CNTNAP3: variants seen among roughly 807,000 people sequenced by gnomAD.
The protein encoded by CNTNAP3 is contactin associated protein family member 3.
CNTNAP3 carries 36 observed loss-of-function variants against 92.1 expected under a neutral mutation model. The observed-to-expected ratio is 0.39, with a 90% confidence interval of 0.30 to 0.52. CNTNAP3 has a LOEUF of 0.52. Ranked by LOEUF, CNTNAP3 falls within the 20% of genes least tolerant of loss-of-function variation. The probability of loss-of-function intolerance (pLI) is 0.76; values close to 1 mark genes in which losing one functional copy is unlikely to be tolerated. For missense variants in CNTNAP3, 534 were observed against 1,069.6 expected (o/e 0.50, Z 6.98); for synonymous variants, 232 against 422.3 (o/e 0.55, Z 5.53).
At chr9:39,132,133 G>A (rs1587724039) in intron 13 of CNTNAP3, among the ~76,000 whole-genome samples, 1 of 151,928 alleles carries the variant, frequency 6.6e-6, no homozygotes, top group Non-Finnish European at 1.5e-5. Context: ...TGATCCTCCC[G>A]CCTATATACT....
chr9:39,127,579 T>C (rs939158832), intron 13 of CNTNAP3, among the ~76,000 whole-genome samples: 1 of 152,092 alleles, frequency 6.6e-6, no homozygotes, highest in Non-Finnish European at 1.5e-5. Context: ...GAAATTTAAG[T>C]GGATATCACT....
intron 23 of CNTNAP3, among the ~76,000 whole-genome samples, chr9:39,077,559 AAAACAAACAAACAAACAAAC>A (rs200606454): frequency 6.8e-6 from 1 of 147,502 alleles, no homozygotes; most frequent in Non-Finnish European, 1.5e-5. Flanking sequence ...TCTGTCTCAA[AAAACAAACAAACAAACAAAC>A]AAACAAACAA....
rs1825546238 is a variant in CNTNAP3 at position 39,067,966 on chromosome 9, TGA to T, written c.*5922_*5923del. 2.6e-5 allele frequency among the ~76,000 whole-genome samples: 4 copies of T among 152,418 alleles called. No homozygotes were observed. In the South Asian group the frequency reaches 8.3e-4, roughly 32 times the overall value. On this transcript the variant is annotated 3_prime_UTR_variant, in exon 24 of 24. Coordinates refer to ENST00000297668, the MANE Select transcript of CNTNAP3 (RefSeq NM_033655.5). Reference sequence around the variant, plus strand: ...GTTGTATGTGAACATGCACTCTCAGTGAGAGTAATATTGTCCCCAAAACGACA... The same window carrying T: ...GTTGTATGTGAACATGCACTCTCAGTGAGTAATATTGTCCCCAAAACGACA...
At chr9:39,137,394 G>C (rs1047717500) in intron 12 of CNTNAP3, among the ~76,000 whole-genome samples, 2 of 151,922 alleles carry the variant, frequency 1.3e-5, no homozygotes, top group Non-Finnish European at 2.9e-5. Flanking sequence ...TGTTCATCTG[G>C]TCTTGCATGC....
At chr9:39,132,332 C>T (rs1409554874) in intron 13 of CNTNAP3, among the ~76,000 whole-genome samples, 1 of 152,066 alleles carries the variant, frequency 6.6e-6, no homozygotes, top group African/African-American at 2.4e-5. Flanking sequence ...GGTTTTGATG[C>T]AGGCAGAGTT....
intron 18 of CNTNAP3, among the ~76,000 whole-genome samples, chr9:39,098,174 C>A (rs1826368722): frequency 1.4e-5 from 2 of 145,828 alleles, no homozygotes; most frequent in African/African-American, 5.0e-5. Context: ...AAAGTGGTAT[C>A]TACAGTATTC....
In CNTNAP3 at chr9:39,066,075, T is replaced by G. The variant is rs2118319996; in HGVS notation, c.*7815A>C. On this transcript the variant is annotated 3_prime_UTR_variant, in exon 24 of 24. Transcript: ENST00000297668. ...TGTCTACTTTCAAGCATTTAAAAATTTATTCTATTTCATCGCTGCATTGTA... is the reference window on the plus strand; with the variant it reads ...TGTCTACTTTCAAGCATTTAAAAATGTATTCTATTTCATCGCTGCATTGTA... Among the ~76,000 whole-genome samples the G allele has an allele frequency of 6.6e-6, 1 of 152,372 alleles. No homozygotes were observed. The highest frequency in any genetic ancestry group is 1.9e-4 in the East Asian group (1 of 5,194).
chr9:39,112,300 G>A (rs528480740), intron 14 of CNTNAP3, among the ~76,000 whole-genome samples: 2 of 152,146 alleles, frequency 1.3e-5, no homozygotes, highest in South Asian at 4.2e-4. Context: ...TTAAGGCAAA[G>A]TAGGGCCATA....
chr9:39,124,517 T>C (rs1270073191), intron 13 of CNTNAP3, among the ~76,000 whole-genome samples: 1 of 152,128 alleles, frequency 6.6e-6, no homozygotes, highest in Non-Finnish European at 1.5e-5. Flanking sequence ...AAATGGGATC[T>C]AATTAAACTA....
intron 10 of CNTNAP3, among the ~76,000 whole-genome samples, chr9:39,148,165 A>G (rs1755741): frequency 0.25 from 37,945 of 149,764 alleles, 5,039 homozygotes; most frequent in East Asian, 0.31. Flanking sequence ...GTGTTGAGAT[A>G]TAAATGCAGT....
intron 18 of CNTNAP3, among the ~76,000 whole-genome samples, chr9:39,099,236 G>A (rs982876466): frequency 2.0e-5 from 3 of 152,106 alleles, no homozygotes; most frequent in East Asian, 1.9e-4. Flanking sequence ...TTACAGGCAT[G>A]AGCCACCACG....
intron 13 of CNTNAP3, among the ~76,000 whole-genome samples, chr9:39,120,923 C>A (rs890007449): frequency 2.0e-5 from 3 of 151,838 alleles, no homozygotes; most frequent in African/African-American, 7.3e-5. Context: ...ATATGATACT[C>A]AAGACAATGA....
At chr9:39,121,766 A>G (rs911290042) in intron 13 of CNTNAP3, among the ~76,000 whole-genome samples, 1 of 110,616 alleles carries the variant, frequency 9.0e-6, no homozygotes, top group African/African-American at 2.7e-5. Context: ...TAAAGATAGG[A>G]AAAAAAATGC....
intron 3 of CNTNAP3, among the ~76,000 whole-genome samples, chr9:39,217,381 T>TATATATATAC (rs1554653667): frequency 2.0e-4 from 5 of 24,858 alleles, no homozygotes; most frequent in African/African-American, 3.2e-4. Flanking sequence ...TATATATATA[T>TATATATATAC]ATATATATAT....
Position 39,132,912 on chromosome 9 carries a change from C to G in CNTNAP3, c.2080+20G>C. 1 of 1,536,482 alleles carries G rather than the reference C, an allele frequency of 6.5e-7. No individual in the cohort carries two copies. Among genetic ancestry groups the G allele is most frequent in the Non-Finnish European group, 8.7e-7 (1 of 1,150,444 alleles). ...GCCCCGGCCCCGTGAACCCCTGTAG[C>G]CTCCAGGAGTGGCGCTTACCTCGTG... is the stretch of plus-strand genomic sequence containing the variant. On this transcript the variant is annotated intron_variant, in intron 13 of 23. Transcript: ENST00000297668.
chr9:39,116,719 G>C (rs889860733), intron 14 of CNTNAP3, among the ~76,000 whole-genome samples: 24 of 152,112 alleles, frequency 1.6e-4, no homozygotes, highest in African/African-American at 5.5e-4. Flanking sequence ...TAGTAATTTT[G>C]AACTTGAGGA....
At chr9:39,126,897 A>G (rs1310248534) in intron 13 of CNTNAP3, among the ~76,000 whole-genome samples, 1 of 152,134 alleles carries the variant, frequency 6.6e-6, no homozygotes, top group African/African-American at 2.4e-5. Context: ...ACATAATCAA[A>G]CAACAGGATC....
chr9:39,119,636 C>T (rs10974154), intron 13 of CNTNAP3, among the ~76,000 whole-genome samples: 23,017 of 151,892 alleles, frequency 0.15, 2,237 homozygotes, highest in East Asian at 0.2. Context: ...TTTTTAGAAA[C>T]AGTAGCAAAA....
rs371184544 is a variant in CNTNAP3 at position 39,085,770 on chromosome 9, G to A, written c.3408C>T (p.Asn1136=). Residue 1136 remains asparagine (N), a synonymous_variant, in exon 21 of 24, where the codon AAC becomes AAT. Coordinates refer to ENST00000297668, the MANE Select transcript of CNTNAP3 (RefSeq NM_033655.5). The part of the protein sequence containing the change: ...QVILSSGTEF[N]AVKSLILGKV... ...TTCCCAATATGAGAGATTTGACGGC[G>A]TTGAATTCTGTCCCTGAGGACAAGA... 223 of 1,567,836 alleles carry A rather than the reference G, an allele frequency of 1.4e-4. 3 individuals are homozygous for A. In the East Asian group the frequency reaches 2.0e-3, roughly 14 times the overall value.
Sources: allele counts gnomAD v4.1 joint callset (sites outside exome capture counted in the v4.1 genomes callset), GRCh38; gene constraint gnomAD v4.1.1; transcripts MANE v1.5; gene names NCBI Gene and HGNC (gene_info 2026-07-23, HGNC 2026-07-21).